Variants in C19orf44 observed in about 807,000 individuals in gnomAD.
C19orf44 encodes chromosome 19 open reading frame 44.
A neutral mutation model predicts 50.7 loss-of-function variants in C19orf44; 43 were observed. That is an observed-to-expected ratio of 0.85 (90% confidence interval 0.66 to 1.09). C19orf44 has a LOEUF of 1.09. Ranked by LOEUF, C19orf44 falls within the 50% of genes least tolerant of loss-of-function variation. C19orf44 has a pLI of 0.00. For synonymous variants in C19orf44, 298 were observed against 334.7 expected (o/e 0.89, Z 1.20); for missense variants, 722 against 836.2 (o/e 0.86, Z 1.68).
In C19orf44 at chr19:16,519,835, A is replaced by G; in HGVS notation, c.*41-259A>G. On this transcript the variant is annotated intron_variant, in intron 8 of 8. Coordinates refer to ENST00000221671, the MANE Select transcript of C19orf44 (RefSeq NM_032207.4). This position sits in a 1 kb window ranked among gnomAD's most constrained non-coding sequence, Gnocchi z 6.0. Reference sequence around the variant, plus strand: ...GCTCACTGTCACCAGGTGACACCGTATGCAGATTTTGCGTCTCTACCCGTT... The same window carrying G: ...GCTCACTGTCACCAGGTGACACCGTGTGCAGATTTTGCGTCTCTACCCGTT... The G allele has an allele frequency of 1.1e-6, 1 of 911,382 alleles. No individual in the cohort carries two copies. The highest frequency in any genetic ancestry group is 1.8e-6 in the Non-Finnish European group (1 of 553,308). The allele number at this position is 911,382 out of a possible 1,614,324, so 56.5% of individuals were successfully genotyped here.
chr19:16,510,853 C>T (rs777693742), intron 5 of C19orf44, among the ~76,000 whole-genome samples: 1 of 152,104 alleles, frequency 6.6e-6, no homozygotes, highest in Non-Finnish European at 1.5e-5. Flanking sequence ...CCTCCTACCT[C>T]AGCCTCCTGA....
chr19:16,515,552 G>T (rs1049852991), intron 7 of C19orf44, among the ~76,000 whole-genome samples: 1 of 151,408 alleles, frequency 6.6e-6, no homozygotes, highest in South Asian at 2.1e-4. Context: ...TTTTTTTGAC[G>T]GAGTTTTGCT....
intron 6 of C19orf44, among the ~76,000 whole-genome samples, chr19:16,513,872 G>T (rs2093464451): frequency 6.6e-6 from 1 of 152,172 alleles, no homozygotes; most frequent in East Asian, 1.9e-4. Flanking sequence ...ATGAGGGAGG[G>T]GCCCCAGCAG....
intron 5 of C19orf44, among the ~76,000 whole-genome samples, chr19:16,512,730 G>A (rs771740718): frequency 6.6e-6 from 1 of 151,946 alleles, no homozygotes; most frequent in Non-Finnish European, 1.5e-5. Context: ...TTAGCCAGGC[G>A]TGGTGGCGCA....
At position 16,509,755 on chromosome 19, in the gene C19orf44, C is replaced by G; in HGVS notation, c.1406C>G (p.Ser469Trp). Residue 469 changes from serine to tryptophan, a missense_variant, in exon 5 of 9, where the codon TCG (serine) becomes TGG (tryptophan). Coordinates refer to ENST00000221671, the MANE Select transcript of C19orf44 (RefSeq NM_032207.4). The part of the protein sequence containing the change: ...PMVNTVSSAY[S>W]EDFENSPSLT... ...GTGAACACAGTCAGCTCAGCTTATT[C>G]GGAGGATTTTGAAAACTCTCCAAGT... 1 of 1,614,258 alleles carries G rather than the reference C, an allele frequency of 6.2e-7. No individual in the cohort carries two copies. The highest frequency in any genetic ancestry group is 8.5e-7 in the Non-Finnish European group (1 of 1,180,044).
intron 6 of C19orf44, 107 bp downstream of exon 6, chr19:16,513,216 C>G: frequency 3.6e-6 from 4 of 1,103,916 alleles, no homozygotes; most frequent in Non-Finnish European, 5.3e-6. Context: ...ATGCTGGCTT[C>G]CAGGGGTCCA....
At chr19:16,514,346 T>C in intron 6 of C19orf44, 151 bp from the exon 7 acceptor site, 1 of 774,138 alleles carries the variant, frequency 1.3e-6, no homozygotes, top group Non-Finnish European at 2.0e-6. Context: ...ATGGCACCGC[T>C]GTACTCCAGC....
rs1011240071 is a variant in C19orf44, at chr19:16,500,350, CTTTTTCTTTTTTTT to C, written c.-1-436_-1-423del. Among the ~76,000 whole-genome samples, 866 of 148,380 alleles carry C rather than the reference CTTTTTCTTTTTTTT, an allele frequency of 5.8e-3. 5 individuals carry two copies. Among genetic ancestry groups the C allele is most frequent in the African/African-American group, 0.02 (809 of 40,442 alleles). On this transcript the variant is annotated intron_variant, in intron 1 of 8. Coordinates refer to ENST00000221671, the MANE Select transcript of C19orf44 (RefSeq NM_032207.4). ...TCAGGTAATTTGTCTTTTCTTTTTT[CTTTTTCTTTTTTTT>C]TTTTTTTAGACAGGGTTTCACTCTG... is the stretch of plus-strand genomic sequence containing the variant.
intron 6 of C19orf44, 92 bp from the exon 7 acceptor site, chr19:16,514,405 C>G (rs2093465852): frequency 7.8e-7 from 1 of 1,277,424 alleles, no homozygotes; most frequent in African/African-American, 1.5e-5. Flanking sequence ...AAAAAGATTT[C>G]AGAGAGCAGC....
rs1203570459 is a variant in C19orf44, at chr19:16,519,357, A to C, written c.*41-737A>C. 3 of 1,609,036 alleles carry C rather than the reference A, an allele frequency of 1.9e-6. No individual in the cohort carries two copies. The highest frequency in any genetic ancestry group is 2.2e-5 in the East Asian group (1 of 44,852). On this transcript the variant is annotated intron_variant, in intron 8 of 8. Coordinates refer to ENST00000221671, the MANE Select transcript of C19orf44 (RefSeq NM_032207.4). This position sits in a 1 kb window ranked among gnomAD's most constrained non-coding sequence, Gnocchi z 6.0. ...GGCCGCCTGAGCCGCTCCAGCCTGG[A>C]AACAGAGACGCAGTCACAACCACAA...
In C19orf44 at chr19:16,517,324, G is replaced by C. The variant is rs199616007; in HGVS notation, c.*23G>C. On this transcript the variant is annotated 3_prime_UTR_variant, in exon 8 of 9. Transcript: ENST00000221671. The stretch of plus-strand genomic sequence containing the variant: ...TGAGCGCCAGCAGGTGGAGCTTGAC[G>C]TGACGTCTTAACAAAAGGTATCCCG... 141 of 1,609,436 alleles carry C rather than the reference G, an allele frequency of 8.8e-5. No homozygotes were observed. The highest frequency in any genetic ancestry group is 1.1e-4 in the Non-Finnish European group (127 of 1,176,246).
At chr19:16,514,895 G>A (rs141065862) in intron 7 of C19orf44, among the ~76,000 whole-genome samples, 35 of 152,344 alleles carry the variant, frequency 2.3e-4, no homozygotes, top group Admixed American at 1.0e-3. Flanking sequence ...AGCCAGCCCC[G>A]CCTGGGCTGT....
Position 16,519,120 on chromosome 19 carries a change from G to T in C19orf44, c.*41-974G>T. On this transcript the variant is annotated intron_variant, in intron 8 of 8. Transcript: ENST00000221671. The surrounding 1 kb of genome is among the most constrained non-coding windows in gnomAD (Gnocchi z 6.0). ...AGTCAGCCAGGAAGGTCCCACAGCCGGCACCGCTGGCCACCGGCGCGGCTC... is the reference window on the plus strand; with the variant it reads ...AGTCAGCCAGGAAGGTCCCACAGCCTGCACCGCTGGCCACCGGCGCGGCTC... 2 of 1,580,458 alleles carry T rather than the reference G, an allele frequency of 1.3e-6. No homozygotes were observed. Among genetic ancestry groups the T allele is most frequent in the Non-Finnish European group, 1.7e-6 (2 of 1,161,222 alleles).
chr19:16,510,199 G>C (rs1271190450), intron 5 of C19orf44: 1 of 621,348 alleles, frequency 1.6e-6, no homozygotes, highest in Non-Finnish European at 2.7e-6. Flanking sequence ...TTGAGGTCAG[G>C]AGTTCAAGAC....
Position 16,521,013 on chromosome 19 carries a change from ATGGCCCTGTGGCTG to A in C19orf44, c.*964_*977del. On this transcript the variant is annotated 3_prime_UTR_variant, in exon 9 of 9. Transcript: ENST00000221671. ...TAATCCACAGAACCTTGGAGAGTAC[ATGGCCCTGTGGCTG>A]TGGGCTCCGAGCATGGGCGCAGTAG... 1 of 1,019,752 alleles carries A rather than the reference ATGGCCCTGTGGCTG, an allele frequency of 9.8e-7. No individual in the cohort carries two copies. 63.2% of individuals were successfully genotyped at this position (1,019,752 alleles called of 1,614,324 possible).
chr19:16,509,247 A>G (rs761563925), intron 4 of C19orf44, among the ~76,000 whole-genome samples: 2 of 152,136 alleles, frequency 1.3e-5, no homozygotes, highest in Non-Finnish European at 2.9e-5. Flanking sequence ...TCCATGATGA[A>G]ATGTTAAATG....
intron 5 of C19orf44, 29 bp from the exon 6 acceptor site, chr19:16,512,985 G>T: frequency 1.9e-6 from 3 of 1,600,892 alleles, no homozygotes; most frequent in Non-Finnish European, 2.6e-6. Context: ...CGTCCTGCCT[G>T]CTTACCCCTC....
Position 16,520,312 on chromosome 19 carries a change from G to A in C19orf44, c.*259G>A. ...GGTCAGCAGCAGCCAGGCGTCGTGG[G>A]GAGGCCACAGGAAGAGGCCTCAGGC... On this transcript the variant is annotated 3_prime_UTR_variant, in exon 9 of 9. Coordinates refer to ENST00000221671, the MANE Select transcript of C19orf44 (RefSeq NM_032207.4). This position sits in a 1 kb window ranked among gnomAD's most constrained non-coding sequence, Gnocchi z 4.0. 1 of 1,610,788 alleles carries A rather than the reference G, an allele frequency of 6.2e-7. No individual in the cohort carries two copies. The highest frequency in any genetic ancestry group is 8.5e-7 in the Non-Finnish European group (1 of 1,177,730).
Position 16,514,576 on chromosome 19 carries a change from C to T in C19orf44, c.1815C>T (p.Ile605=), listed in dbSNP as rs944849393. ...KQQLSLTQQF[I]QASRHLHASL... ...AGCTGAGCCTGACGCAGCAGTTCATCCAGGCCAGCCGGCACCTGCACGCCT... is the reference window on the plus strand; with the variant it reads ...AGCTGAGCCTGACGCAGCAGTTCATTCAGGCCAGCCGGCACCTGCACGCCT... The change falls in exon 7 of 9, where the codon ATC becomes ATT. Residue 605 remains isoleucine, a synonymous_variant. Coordinates refer to ENST00000221671, the MANE Select transcript of C19orf44 (RefSeq NM_032207.4). The T allele has an allele frequency of 6.2e-7, 1 of 1,609,738 alleles. No individual in the cohort carries two copies. Among genetic ancestry groups the T allele is most frequent in the South Asian group, 1.1e-5 (1 of 90,484 alleles).
Sources: allele counts gnomAD v4.1 joint callset (sites outside exome capture counted in the v4.1 genomes callset), GRCh38; gene constraint gnomAD v4.1.1; non-coding constraint Gnocchi (gnomAD v3.1); transcripts MANE v1.5; gene names NCBI Gene and HGNC (gene_info 2026-07-23, HGNC 2026-07-21).